The following DPP6 variants were observed in gnomAD, a reference collection of about 807,000 sequenced individuals.
DPP6 encodes dipeptidyl peptidase like 6, also known as A-type potassium channel modulatory protein DPP6.
In DPP6, 69 loss-of-function variants were observed where a neutral mutation model predicts 122.6. The observed-to-expected ratio is 0.56, with a 90% CI of 0.46 to 0.69. The LOEUF is 0.69. Among genes scored for constraint, DPP6 ranks in the 30% least tolerant of loss-of-function variants. The pLI is 0.00. For synonymous variants in DPP6, 418 were observed against 433.1 expected, an observed-to-expected ratio of 0.97 and a Z score of 0.43; for missense variants, 928 against 1,116.9, an observed-to-expected ratio of 0.83 and a Z score of 2.41.
chr7:154,308,553 A>C (rs571486238), intron 1 of DPP6, among the ~76,000 whole-genome samples: 1 of 152,282 alleles, frequency 6.6e-6, no homozygotes, highest in East Asian at 1.9e-4. Context: ...CAATCAGGTG[A>C]TACTGAGACT....
intron 1 of DPP6, among the ~76,000 whole-genome samples, chr7:154,123,176 C>G (rs1334852407): frequency 6.6e-6 from 1 of 152,160 alleles, no homozygotes; most frequent in Non-Finnish European, 1.5e-5. Flanking sequence ...TTCAACGATC[C>G]TCAAAGACTT....
chr7:154,884,580 T>C (rs1805933037), intron 21 of DPP6: 1 of 148,158 alleles, frequency 6.7e-6, no homozygotes, highest in South Asian at 2.2e-4. Context: ...TACACACGAT[T>C]ACATACACAT....
chr7:154,479,353 T>A (rs983759248), intron 3 of DPP6, among the ~76,000 whole-genome samples: 1 of 150,940 alleles, frequency 6.6e-6, no homozygotes, highest in Non-Finnish European at 1.5e-5. Context: ...AGGTAAGGAG[T>A]TCGAGACCAG....
At chr7:154,169,685 T>G (rs1224281106) in intron 1 of DPP6, among the ~76,000 whole-genome samples, 1 of 152,176 alleles carries the variant, frequency 6.6e-6, no homozygotes, top group Non-Finnish European at 1.5e-5. Context: ...TAAGGAGCTA[T>G]GTATCTTGTC....
In DPP6 at chr7:154,423,680, A is replaced by G. The variant is rs188040806; in HGVS notation, c.244-22534A>G. ...ATACCCAAACAGAGAATACAGACAAAAAGGAATAAGCAAACTATGTTGTCA... is the reference window on the plus strand; with the variant it reads ...ATACCCAAACAGAGAATACAGACAAGAAGGAATAAGCAAACTATGTTGTCA... On this transcript the variant is annotated intron_variant, in intron 1 of 25. Transcript: ENST00000377770. Among the ~76,000 whole-genome samples the G allele has an allele frequency of 9.2e-5, 14 of 152,370 alleles. No homozygotes were observed. In the East Asian group the frequency reaches 2.7e-3, roughly 29 times the overall value.
intron 10 of DPP6, among the ~76,000 whole-genome samples, chr7:154,784,491 C>T (rs950457814): frequency 2.0e-5 from 3 of 152,188 alleles, no homozygotes; most frequent in African/African-American, 7.2e-5. Flanking sequence ...CGTACTTGTT[C>T]CTTCATTTTT....
chr7:154,159,205 G>A (rs1034115150), intron 1 of DPP6, among the ~76,000 whole-genome samples: 6 of 152,134 alleles, frequency 3.9e-5, no homozygotes, highest in Admixed American at 3.9e-4. Context: ...CCCCTGCTCC[G>A]TGGTTCCTGG....
chr7:154,447,522 C>T (rs1819987929), intron 2 of DPP6, among the ~76,000 whole-genome samples: 1 of 152,026 alleles, frequency 6.6e-6, no homozygotes, highest in Non-Finnish European at 1.5e-5. Context: ...ACAGGTACAA[C>T]AAATGTGGGC....
chr7:154,477,430 C>T (rs1050272544), intron 3 of DPP6, among the ~76,000 whole-genome samples: 7 of 151,988 alleles, frequency 4.6e-5, no homozygotes, highest in African/African-American at 1.2e-4. Context: ...CCTGGGAAGA[C>T]GCCATGATAT....
At chr7:153,819,606 A>G in the DPP6 span, among the ~76,000 whole-genome samples, 5,303 of 152,250 alleles carry the variant, frequency 0.035, 282 homozygotes, top group African/African-American at 0.12. Flanking sequence ...AAATGTGGGG[A>G]AAATGCATCT....
intron 10 of DPP6, among the ~76,000 whole-genome samples, chr7:154,792,092 G>A (rs1206190926): frequency 6.6e-6 from 1 of 152,222 alleles, no homozygotes; most frequent in African/African-American, 2.4e-5. Flanking sequence ...TAGCATGAAG[G>A]ACATAGAGGG....
At chr7:153,867,167 C>T in the DPP6 span, among the ~76,000 whole-genome samples, 4 of 151,988 alleles carry the variant, frequency 2.6e-5, no homozygotes, top group African/African-American at 9.7e-5. Context: ...ATTAAGGTAG[C>T]TTTTTCCAAT....
At chr7:154,865,958 T>C (rs1348828859) in intron 17 of DPP6, among the ~76,000 whole-genome samples, 1 of 152,198 alleles carries the variant, frequency 6.6e-6, no homozygotes, top group East Asian at 1.9e-4. Flanking sequence ...TGAACACTGA[T>C]ACCTTGGCGA....
chr7:154,235,191 C>T (rs1233264625), intron 1 of DPP6, among the ~76,000 whole-genome samples: 1 of 152,178 alleles, frequency 6.6e-6, no homozygotes, highest in African/African-American at 2.4e-5. Context: ...ATCCTCTGTC[C>T]CCAACCCCTG....
At chr7:154,045,329 A>C (rs1799967483) in intron 1 of DPP6, among the ~76,000 whole-genome samples, 1 of 152,236 alleles carries the variant, frequency 6.6e-6, no homozygotes, top group Admixed American at 6.5e-5. Flanking sequence ...AGACCTGAGC[A>C]AACATTTGAG....
intron 5 of DPP6, among the ~76,000 whole-genome samples, chr7:154,596,041 C>CA (rs200876759): frequency 0.019 from 2,957 of 152,304 alleles, 101 homozygotes; most frequent in African/African-American, 0.067. Flanking sequence ...GCCTGGGTGA[C>CA]AGAGCGAGAC....
intron 1 of DPP6, among the ~76,000 whole-genome samples, chr7:154,235,539 G>A (rs2150860892): frequency 6.8e-6 from 1 of 146,460 alleles, no homozygotes. Flanking sequence ...AAAAGCGTGA[G>A]CTTTGAATTT....
chr7:154,247,681 T>G (rs1425831513), intron 1 of DPP6, among the ~76,000 whole-genome samples: 2 of 152,086 alleles, frequency 1.3e-5, no homozygotes, highest in Admixed American at 1.3e-4. Flanking sequence ...TACAACTACT[T>G]GGATAATTGT....
chr7:154,724,279 C>A (rs80145267), intron 7 of DPP6, among the ~76,000 whole-genome samples: 2,069 of 152,254 alleles, frequency 0.014, 48 homozygotes, highest in African/African-American at 0.047. Context: ...ATTATAATAT[C>A]TTCCAGTGTA....
Sources: allele counts gnomAD v4.1 joint callset (sites outside exome capture counted in the v4.1 genomes callset), GRCh38; gene constraint gnomAD v4.1.1; transcripts MANE v1.5; gene names NCBI Gene and HGNC (gene_info 2026-07-23, HGNC 2026-07-21).